Variants in DTNA observed in about 807,000 individuals in gnomAD.
DTNA encodes the protein dystrobrevin alpha.
A neutral mutation model predicts 100.7 loss-of-function variants in DTNA; 43 were observed. The observed-to-expected ratio is 0.43, with a 90% CI of 0.33 to 0.55. The LOEUF is 0.55. DTNA is among the 20% of genes least tolerant of loss of function. The probability of loss-of-function intolerance (pLI) is 0.04; values close to 1 mark genes in which losing one functional copy is unlikely to be tolerated. For missense variants in DTNA, 798 were observed against 953.9 expected (o/e 0.84, Z 2.15); for synonymous variants, 349 against 347.9 (o/e 1.00, Z -0.04).
chr18:34,875,676 G>A (rs1681517885), intron 18 of DTNA, among the ~76,000 whole-genome samples: 1 of 152,108 alleles, frequency 6.6e-6, no homozygotes, highest in Non-Finnish European at 1.5e-5. Flanking sequence ...AATACCCCCA[G>A]AAAACTTCAT....
chr18:34,815,622 T>C, intron 6 of DTNA: 1 of 351,844 alleles, frequency 2.8e-6, no homozygotes, highest in African/African-American at 2.1e-5. Context: ...TTTTATACTG[T>C]CTTTCATATA....
rs575447226 is a variant in DTNA at position 34,870,353 on chromosome 18, C to T, written c.1744-4886C>T. ...ACTTCATGGAATACTAGCAGGCCAG[C>T]AATAACCTGCTTGGGCCTCACCTTC... On this transcript the variant is annotated intron_variant, in intron 17 of 22. Transcript: ENST00000444659. Among the ~76,000 whole-genome samples the T allele has an allele frequency of 8.7e-4, 132 of 152,224 alleles. 1 individual carries two copies. The highest frequency in any genetic ancestry group is 5.4e-4 in the Non-Finnish European group (37 of 68,004).
chr18:34,837,201 C>A (rs992561438), intron 11 of DTNA, among the ~76,000 whole-genome samples: 2 of 152,084 alleles, frequency 1.3e-5, no homozygotes, highest in African/African-American at 4.8e-5. Context: ...GTGTGCAGGA[C>A]AAATTCTTAC....
intron 22 of DTNA, among the ~76,000 whole-genome samples, chr18:34,885,281 A>T (rs556985688): frequency 6.6e-6 from 1 of 152,350 alleles, no homozygotes; most frequent in East Asian, 1.9e-4. Context: ...CAGAGGAAAA[A>T]TTCTGCAGCC....
chr18:34,794,572 C>A (rs1341240519), intron 4 of DTNA, among the ~76,000 whole-genome samples: 1 of 152,050 alleles, frequency 6.6e-6, no homozygotes, highest in South Asian at 2.1e-4. Context: ...TTTAATGAAG[C>A]GTGAAGTGGG....
At chr18:34,760,303 A>G (rs1387157243) in intron 2 of DTNA, among the ~76,000 whole-genome samples, 1 of 151,694 alleles carries the variant, frequency 6.6e-6, no homozygotes, top group Non-Finnish European at 1.5e-5. Context: ...TGTCCCCTCT[A>G]CTTCTCTTTT....
At chr18:34,858,225 G>T in intron 15 of DTNA, 60 bp from the exon 16 acceptor site, 2 of 1,509,612 alleles carry the variant, frequency 1.3e-6, no homozygotes, top group Non-Finnish European at 1.8e-6. Flanking sequence ...GATCTGCTCC[G>T]ATGTTAGTTT....
intron 17 of DTNA, among the ~76,000 whole-genome samples, chr18:34,864,920 T>C (rs1183916910): frequency 6.6e-6 from 1 of 152,236 alleles, no homozygotes; most frequent in Non-Finnish European, 1.5e-5. Flanking sequence ...GAAGTGGCAT[T>C]CTTCTTTTAG....
chr18:34,718,248 T>A (rs528857398), intron 1 of DTNA, among the ~76,000 whole-genome samples: 1 of 152,324 alleles, frequency 6.6e-6, no homozygotes, highest in African/African-American at 2.4e-5. Flanking sequence ...GTATGACACA[T>A]GACAATTTTG....
At chr18:34,822,384 G>A (rs1158716039) in intron 9 of DTNA, 1 of 152,256 alleles carries the variant, frequency 6.6e-6, no homozygotes, top group Non-Finnish European at 1.5e-5. Flanking sequence ...GCTCTGCCGA[G>A]AGTAATTTCC....
chr18:34,573,784 C>T (rs1374833383), intron 1 of DTNA, among the ~76,000 whole-genome samples: 1 of 152,168 alleles, frequency 6.6e-6, no homozygotes, highest in East Asian at 1.9e-4. Flanking sequence ...ATGTTGTACA[C>T]TGGATCTTTT....
rs113870126 is a variant in DTNA at position 34,794,114 on chromosome 18, C to G, written c.226C>G (p.Leu76Val). The G allele has an allele frequency of 6.2e-6, 10 of 1,614,176 alleles. No individual in the cohort carries two copies. The African/African-American group carries it at 6.7e-5, about 11-fold the overall frequency. The change falls in exon 4 of 23, where the codon CTC (leucine) becomes GTC (valine). Residue 76 changes from leucine to valine, a missense_variant. By Grantham distance (32) the Leu-to-Val change is conservative. Coordinates refer to ENST00000444659, the MANE Select transcript of DTNA (RefSeq NM_001386795.1). Reference sequence around the variant, plus strand: ...GAACAACCTGGACCCAAACACTGAACTCAACGTGTCCCGCTTAGAGGCTGT... The same window carrying G: ...GAACAACCTGGACCCAAACACTGAAGTCAACGTGTCCCGCTTAGAGGCTGT... ...ALNNLDPNTE[L>V]NVSRLEAVLS...
At chr18:34,689,941 C>G (rs916836061) in intron 1 of DTNA, among the ~76,000 whole-genome samples, 4 of 152,190 alleles carry the variant, frequency 2.6e-5, no homozygotes, top group African/African-American at 9.7e-5. Context: ...TTTGTTTACA[C>G]TGTGAGAGGA....
At chr18:34,582,074 T>G (rs2048705684) in intron 1 of DTNA, among the ~76,000 whole-genome samples, 1 of 149,118 alleles carries the variant, frequency 6.7e-6, no homozygotes, top group South Asian at 2.1e-4. Context: ...ATAATGATTT[T>G]TAAGGCCAAG....
intron 1 of DTNA, among the ~76,000 whole-genome samples, chr18:34,540,325 A>G (rs1330230007): frequency 1.3e-5 from 2 of 152,034 alleles, no homozygotes; most frequent in African/African-American, 2.4e-5. Context: ...AAGCCATAAG[A>G]TTTTATGTAG....
At chr18:34,867,465 G>T (rs1027405424) in intron 17 of DTNA, 3 of 1,219,956 alleles carry the variant, frequency 2.5e-6, no homozygotes, top group African/African-American at 1.6e-5. Flanking sequence ...CATACATGGG[G>T]TATTGCTATT....
At chr18:34,848,162 T>C (rs2096413430) in intron 13 of DTNA, 134 bp from the exon 14 acceptor site, 2 of 786,744 alleles carry the variant, frequency 2.5e-6, no homozygotes, top group Non-Finnish European at 4.3e-6. Flanking sequence ...AGATTGTTAT[T>C]CTAACAGGGT....
intron 8 of DTNA, among the ~76,000 whole-genome samples, chr18:34,819,871 T>C (rs1309973472): frequency 6.6e-6 from 1 of 151,968 alleles, no homozygotes; most frequent in Non-Finnish European, 1.5e-5. Context: ...TTACCAATTA[T>C]GGACTCTAGG....
At chr18:34,520,522 C>G (rs2145197594) in intron 1 of DTNA, among the ~76,000 whole-genome samples, 1 of 152,142 alleles carries the variant, frequency 6.6e-6, no homozygotes, top group Non-Finnish European at 1.5e-5. Flanking sequence ...GGCATGGTGG[C>G]ACATGCCTGT....
Sources: gnomAD v4.1 joint callset for allele counts (sites outside exome capture counted in the v4.1 genomes callset) on GRCh38, gnomAD v4.1.1 for gene constraint, MANE v1.5 for transcripts, NCBI Gene and HGNC (gene_info 2026-07-23, HGNC 2026-07-21) for gene names.